Variants in LRRTM4 observed in about 807,000 individuals in gnomAD.
LRRTM4 encodes leucine-rich repeat transmembrane neuronal protein 4.
A neutral mutation model predicts 47.6 loss-of-function variants in LRRTM4; 25 were observed. That is an observed-to-expected ratio of 0.53 (90% CI 0.38 to 0.73). The LOEUF is 0.73. Ranked by LOEUF, LRRTM4 falls within the 30% of genes least tolerant of loss-of-function variation. LRRTM4 has a pLI of 0.00. For missense variants in LRRTM4, 638 were observed against 713.4 expected, an observed-to-expected ratio of 0.89 and a Z score of 1.20; for synonymous variants, 311 against 269.5, an observed-to-expected ratio of 1.15 and a Z score of -1.51.
At chr2:77,219,006 A>T (rs1041311293) in intron 3 of LRRTM4, among the ~76,000 whole-genome samples, 4 of 152,254 alleles carry the variant, frequency 2.6e-5, no homozygotes, top group Non-Finnish European at 4.4e-5. Context: ...CTGGAATGAC[A>T]GAGTATTGAA....
At chr2:76,860,931 T>C (rs111266085) in intron 3 of LRRTM4, among the ~76,000 whole-genome samples, 153 of 152,216 alleles carry the variant, frequency 1.0e-3, no homozygotes, top group African/African-American at 3.5e-3. Flanking sequence ...CTGGTGTTAA[T>C]ATCTCATAGT....
At chr2:77,303,592 T>A (rs181323199) in intron 3 of LRRTM4, among the ~76,000 whole-genome samples, 1 of 152,198 alleles carries the variant, frequency 6.6e-6, no homozygotes, top group East Asian at 1.9e-4. Flanking sequence ...ACTTTTTAAC[T>A]CTGATCACAT....
intron 3 of LRRTM4, among the ~76,000 whole-genome samples, chr2:76,959,204 T>C (rs768563480): frequency 6.6e-6 from 1 of 151,740 alleles, no homozygotes; most frequent in African/African-American, 2.4e-5. Flanking sequence ...GTCTTTAAGA[T>C]AGTCTTGGTA....
chr2:77,350,469 A>G (rs1392495526), intron 3 of LRRTM4, among the ~76,000 whole-genome samples: 2 of 151,728 alleles, frequency 1.3e-5, no homozygotes, highest in African/African-American at 4.8e-5. Flanking sequence ...TTCTTCTAGA[A>G]TTTTTCTAAA....
At chr2:77,262,712 T>C (rs1675951666) in intron 3 of LRRTM4, among the ~76,000 whole-genome samples, 1 of 152,040 alleles carries the variant, frequency 6.6e-6, no homozygotes, top group Admixed American at 6.6e-5. Flanking sequence ...GGTTAATATT[T>C]GTCTCATGGT....
chr2:76,982,329 A>T (rs550273667), intron 3 of LRRTM4, among the ~76,000 whole-genome samples: 1 of 152,182 alleles, frequency 6.6e-6, no homozygotes, highest in African/African-American at 2.4e-5. Flanking sequence ...TTTCACTCTG[A>T]CAATGCCGGT....
Position 76,894,574 on chromosome 2 carries a change from T to G in LRRTM4, c.1552-145658A>C, listed in dbSNP as rs76652304. 8.8e-3 allele frequency among the ~76,000 whole-genome samples: 1,346 copies of G among 152,118 alleles called. 39 individuals carry two copies. Among genetic ancestry groups the G allele is most frequent in the South Asian group, 0.074 (356 of 4,824 alleles). ...ATTCTTTTAATCACATGGCAATACTTTGAAAAGTCATGTTAATGTTTCTAT... is the reference window on the plus strand; with the variant it reads ...ATTCTTTTAATCACATGGCAATACTGTGAAAAGTCATGTTAATGTTTCTAT... On this transcript the variant is annotated intron_variant, in intron 3 of 3. Coordinates refer to ENST00000409884, the MANE Select transcript of LRRTM4 (RefSeq NM_001134745.3).
At chr2:77,433,046 G>A (rs370753615) in intron 3 of LRRTM4, among the ~76,000 whole-genome samples, 1 of 152,146 alleles carries the variant, frequency 6.6e-6, no homozygotes, top group African/African-American at 2.4e-5. Context: ...ATGGGAGAAG[G>A]GCAATTGTGA....
intron 3 of LRRTM4, among the ~76,000 whole-genome samples, chr2:77,061,824 C>G (rs1182256320): frequency 5.9e-5 from 9 of 152,112 alleles, no homozygotes; most frequent in African/African-American, 2.2e-4. Context: ...TATACATATA[C>G]AAACCAATCA....
chr2:76,913,586 C>T (rs1674145430), intron 3 of LRRTM4, among the ~76,000 whole-genome samples: 1 of 132,654 alleles, frequency 7.5e-6, no homozygotes, highest in Non-Finnish European at 1.5e-5. Flanking sequence ...ATTGCCCAGG[C>T]TGGAGTGCAA....
At chr2:76,797,300 G>C (rs1293220192) in intron 3 of LRRTM4, among the ~76,000 whole-genome samples, 2 of 151,978 alleles carry the variant, frequency 1.3e-5, no homozygotes, top group East Asian at 3.9e-4. Context: ...AAGAGAGTGG[G>C]GGCCAATATT....
At chr2:77,248,212 G>C (rs999629201) in intron 3 of LRRTM4, among the ~76,000 whole-genome samples, 1 of 151,280 alleles carries the variant, frequency 6.6e-6, no homozygotes, top group Non-Finnish European at 1.5e-5. Flanking sequence ...CAAAATAATT[G>C]TGTGTTTTAT....
intron 3 of LRRTM4, among the ~76,000 whole-genome samples, chr2:76,837,354 A>G (rs561308018): frequency 1.3e-5 from 2 of 152,010 alleles, no homozygotes; most frequent in Non-Finnish European, 1.5e-5. Context: ...TAATTTTTTG[A>G]AGGGTTTTTT....
intron 3 of LRRTM4, among the ~76,000 whole-genome samples, chr2:77,148,724 A>T (rs1349975126): frequency 1.3e-5 from 2 of 152,180 alleles, no homozygotes; most frequent in Non-Finnish European, 2.9e-5. Context: ...CTCAGGAAGC[A>T]GTTTTATTTG....
At chr2:76,784,457 CATAG>C (rs1386234652) in intron 3 of LRRTM4, among the ~76,000 whole-genome samples, 2 of 151,944 alleles carry the variant, frequency 1.3e-5, no homozygotes, top group Non-Finnish European at 2.9e-5. Flanking sequence ...TCTACATATA[CATAG>C]ATATATTATA....
In LRRTM4 at chr2:77,188,040, C is replaced by T. The variant is rs192142739; in HGVS notation, c.1551+330278G>A. Among the ~76,000 whole-genome samples the T allele has an allele frequency of 2.6e-3, 401 of 152,192 alleles. 1 individual carries two copies. The highest frequency in any genetic ancestry group is 4.3e-3 in the Non-Finnish European group (294 of 67,990). On this transcript the variant is annotated intron_variant, in intron 3 of 3. Transcript: ENST00000409884. ...TACTACATACCAATTTTACATTTAG[C>T]TTTTAGTTCTTAAAAATTAGTGTGA... is the stretch of plus-strand genomic sequence containing the variant.
intron 3 of LRRTM4, among the ~76,000 whole-genome samples, chr2:77,362,170 A>AAAGGAAGAAAGAAAGAAAGAAAGAAAGG (rs1672265843): frequency 5.5e-4 from 73 of 133,616 alleles, no homozygotes; most frequent in African/African-American, 2.2e-3. Flanking sequence ...AGAAAGAAAG[A>AAAGGAAGAAAGAAAGAAAGAAAGAAAGG]AAGGAAGGAA....
At chr2:77,139,278 G>A (rs1201411307) in intron 3 of LRRTM4, among the ~76,000 whole-genome samples, 1 of 152,130 alleles carries the variant, frequency 6.6e-6, no homozygotes, top group African/African-American at 2.4e-5. Context: ...TATCCACCAT[G>A]ATATAGTGGG....
chr2:77,151,845 A>G (rs1672439531), intron 3 of LRRTM4, among the ~76,000 whole-genome samples: 1 of 152,164 alleles, frequency 6.6e-6, no homozygotes, highest in Non-Finnish European at 1.5e-5. Flanking sequence ...TTAAAAAAAT[A>G]TTTCTCACTA....
Sources: gnomAD v4.1 joint callset for allele counts (sites outside exome capture counted in the v4.1 genomes callset) on GRCh38, gnomAD v4.1.1 for gene constraint, MANE v1.5 for transcripts, NCBI Gene and HGNC (gene_info 2026-07-23, HGNC 2026-07-21) for gene names.